The following F13B variants were observed in gnomAD, a reference collection of about 807,000 sequenced individuals.
The protein encoded by F13B is TGase.
In F13B, 58 loss-of-function variants were observed where a neutral mutation model predicts 79.8. The observed-to-expected ratio is 0.73, with a 90% confidence interval of 0.59 to 0.90. The LOEUF (loss-of-function observed/expected upper bound fraction) is 0.90. Ranked by LOEUF, F13B falls within the 40% of genes least tolerant of loss-of-function variation. F13B has a pLI of 0.00. For missense variants in F13B, 773 were observed against 777.0 expected (o/e 0.99, Z 0.06); for synonymous variants, 283 against 260.3 (o/e 1.09, Z -0.84).
intron 8 of F13B, among the ~76,000 whole-genome samples, chr1:197,054,109 G>A (rs1655553233): frequency 6.6e-6 from 1 of 151,980 alleles, no homozygotes; most frequent in South Asian, 2.1e-4. Flanking sequence ...CCTTTCTCTT[G>A]CCCTGATAAC....
intron 11 of F13B, among the ~76,000 whole-genome samples, 163 bp from the exon 12 acceptor site, chr1:197,039,574 T>A (rs1331533614): frequency 6.6e-6 from 1 of 152,086 alleles, no homozygotes; most frequent in Non-Finnish European, 1.5e-5. Context: ...AGTTCCCTTT[T>A]AAAAATGCAA....
intron 11 of F13B, 139 bp from the exon 12 acceptor site, chr1:197,039,550 T>C (rs1654960460): frequency 3.1e-6 from 2 of 654,400 alleles, no homozygotes; most frequent in Non-Finnish European, 5.4e-6. Context: ...TCTTACTTAG[T>C]AAATAATACC....
chr1:197,051,959 C>T (rs534633760), intron 9 of F13B, among the ~76,000 whole-genome samples: 1 of 152,186 alleles, frequency 6.6e-6, no homozygotes, highest in Admixed American at 6.6e-5. Flanking sequence ...AAAATTTTCT[C>T]CCATTCTGTA....
Position 197,038,974 on chromosome 1 carries a change from C to G in F13B, c.*404G>C, listed in dbSNP as rs1001256377. On this transcript the variant is annotated 3_prime_UTR_variant, in exon 12 of 12. Coordinates refer to ENST00000367412, the MANE Select transcript of F13B (RefSeq NM_001994.3). ...TTTCTTATCTCTAGTGTGTTTGGCCCTTTAATAGTGACATAAACTTTGAAT... is the reference window on the plus strand; with the variant it reads ...TTTCTTATCTCTAGTGTGTTTGGCCGTTTAATAGTGACATAAACTTTGAAT... 8.6e-5 allele frequency among the ~76,000 whole-genome samples: 13 copies of G among 151,866 alleles called. No individual in the cohort carries two copies. Among genetic ancestry groups the G allele is most frequent in the African/African-American group, 3.1e-4 (13 of 41,394 alleles).
chr1:197,047,991 T>TG (rs1655296506), intron 10 of F13B, among the ~76,000 whole-genome samples: 1 of 151,788 alleles, frequency 6.6e-6, no homozygotes, highest in African/African-American at 2.4e-5. Flanking sequence ...GGCCTGTCTG[T>TG]GGGGGTCTGG....
rs5991 is a variant in F13B, at chr1:197,057,021, T to C, written c.1163A>G (p.Glu388Gly). ...CNRGKWTLPPECVENNENCKH... is the reference protein window; with the variant it reads ...CNRGKWTLPPGCVENNENCKH... ...AAATGTAGCATACATACCAACACAC[T>C]CAGGAGGAAGTGTCCATTTTCCACG... The change falls in exon 7 of 12, where the codon GAG becomes GGG. Residue 388 changes from glutamate (E) to glycine (G), a missense_variant. Transcript: ENST00000367412. 1.9e-6 allele frequency: 3 copies of C among 1,613,452 alleles called. No homozygotes were observed. The highest frequency in any genetic ancestry group is 2.5e-6 in the Non-Finnish European group (3 of 1,179,808).
At chr1:197,061,360 T>G (rs981169312) in intron 3 of F13B, among the ~76,000 whole-genome samples, 5 of 152,126 alleles carry the variant, frequency 3.3e-5, no homozygotes, top group Non-Finnish European at 7.4e-5. Flanking sequence ...GTATGTGCTG[T>G]CTATGCATTT....
In F13B at chr1:197,039,378, C is replaced by A. The variant is rs370004456; in HGVS notation, c.1986G>T (p.Ter662TyrextTer2). 20 of 1,609,324 alleles carry A rather than the reference C, an allele frequency of 1.2e-5. No individual in the cohort carries two copies. The highest frequency in any genetic ancestry group is 1.5e-5 in the Non-Finnish European group (18 of 1,176,766). Reference sequence around the variant, plus strand: ...TGACTCCTCTTTCTGCCATTCATTTCTATGTTCTTAAGGGTTCTTGATAAG... The same window carrying A: ...TGACTCCTCTTTCTGCCATTCATTTATATGTTCTTAAGGGTTCTTGATAAG... The part of the protein sequence containing the change: ...TLSYQEPLRT[*>Y] The change falls in exon 12 of 12, where the codon TAG becomes TAT. Residue 662 changes from the stop codon to tyrosine, a stop_lost. Transcript: ENST00000367412.
Position 197,046,405 on chromosome 1 carries a change from C to G in F13B, c.1738+4292G>C, listed in dbSNP as rs567343249. On this transcript the variant is annotated intron_variant, in intron 10 of 11. Transcript: ENST00000367412. ...AGAGAGCCAAATTATGAGTGAACCC[C>G]CATTCACAATTACTTCAAAGAGAAT... Among the ~76,000 whole-genome samples the G allele has an allele frequency of 7.2e-4, 110 of 152,214 alleles. 1 individual carries two copies. In the South Asian group the frequency reaches 8.9e-3, roughly 12 times the overall value.
At chr1:197,060,634 A>AAAT in intron 4 of F13B, 92 bp from the exon 5 acceptor site, 1 of 949,380 alleles carries the variant, frequency 1.1e-6, no homozygotes, top group Non-Finnish European at 1.6e-6. Context: ...ACTAGAATAG[A>AAAT]AATTAAATTT....
intron 11 of F13B, 39 bp from the exon 12 acceptor site, chr1:197,039,450 A>G (rs1654956904): frequency 2.6e-6 from 4 of 1,563,176 alleles, no homozygotes; most frequent in Middle Eastern, 1.7e-4. Flanking sequence ...ATAAGCATCA[A>G]TTGCAGTCAG....
At chr1:197,057,572 T>A (rs938869910) in intron 5 of F13B, 107 bp from the exon 6 acceptor site, 4 of 1,189,810 alleles carry the variant, frequency 3.4e-6, no homozygotes, top group Non-Finnish European at 4.8e-6. Flanking sequence ...AATGGCAGAC[T>A]GATTCTAGGA....
intron 10 of F13B, among the ~76,000 whole-genome samples, chr1:197,041,400 A>AT (rs961563612): frequency 2.6e-5 from 4 of 152,052 alleles, no homozygotes; most frequent in East Asian, 3.9e-4. Context: ...AACCTCTTCG[A>AT]TTTTTTTTAC....
chr1:197,050,036 T>A (rs907489164), intron 10 of F13B, among the ~76,000 whole-genome samples: 20 of 152,078 alleles, frequency 1.3e-4, no homozygotes, highest in African/African-American at 4.8e-4. Context: ...ACTTGATTTT[T>A]AAAAAAATAT....
At chr1:197,044,181 C>T (rs1053072938) in intron 10 of F13B, among the ~76,000 whole-genome samples, 1 of 152,004 alleles carries the variant, frequency 6.6e-6, no homozygotes, top group East Asian at 1.9e-4. Context: ...AAATACTGTG[C>T]TTTTCCCAAG....
Position 197,050,829 on chromosome 1 carries a change from T to C in F13B, c.1606A>G (p.Ile536Val). 1 of 1,613,358 alleles carries C rather than the reference T, an allele frequency of 6.2e-7. No individual in the cohort carries two copies. Among genetic ancestry groups the C allele is most frequent in the Non-Finnish European group, 8.5e-7 (1 of 1,179,576 alleles). ...TCATAGGTGTCTACTGTTGAACTAA[T>C]AATGACTCCATGTTTAATAAGAGGA... The part of the protein sequence containing the change: ...SPPLIKHGVI[I>V]SSTVDTYENG... The change falls in exon 10 of 12, where the codon ATT (isoleucine) becomes GTT (valine). Residue 536 changes from isoleucine to valine, a missense_variant. By Grantham distance (29) the Ile-to-Val change is conservative. Transcript: ENST00000367412.
intron 10 of F13B, among the ~76,000 whole-genome samples, chr1:197,045,077 C>T (rs970350661): frequency 3.3e-5 from 5 of 151,904 alleles, no homozygotes; most frequent in Admixed American, 6.6e-5. Context: ...AAATCGACAC[C>T]CTAACATCAC....
intron 1 of F13B, 29 bp downstream of exon 1, chr1:197,067,131 G>A (rs769580960): frequency 3.0e-6 from 4 of 1,331,650 alleles, no homozygotes; most frequent in African/African-American, 2.9e-5. Flanking sequence ...ATGTTTTAGA[G>A]AATAAAGAAT....
At chr1:197,066,535 A>G (rs535771487) in intron 1 of F13B, among the ~76,000 whole-genome samples, 34 of 152,120 alleles carry the variant, frequency 2.2e-4, no homozygotes, top group Non-Finnish European at 7.4e-5. Context: ...GTCCATAGGT[A>G]TTGGTTTGTT....
Sources: allele counts gnomAD v4.1 joint callset (sites outside exome capture counted in the v4.1 genomes callset), GRCh38; gene constraint gnomAD v4.1.1; transcripts MANE v1.5; gene names NCBI Gene and HGNC (gene_info 2026-07-23, HGNC 2026-07-21).